The following PCGF5 variants were observed in gnomAD, a reference collection of about 807,000 sequenced individuals.
PCGF5 encodes the protein polycomb group RING finger protein 5.
A neutral mutation model predicts 44.3 loss-of-function variants in PCGF5; 9 were observed. The ratio of observed to expected loss-of-function variants is 0.20; its 90% CI spans 0.12 to 0.35. PCGF5 has a LOEUF of 0.35. Ranked by LOEUF, PCGF5 falls within the 10% of genes least tolerant of loss-of-function variation. The pLI, the probability that PCGF5 is intolerant of heterozygous loss-of-function variation, is 1.00. For missense variants in PCGF5, 146 were observed against 305.3 expected (o/e 0.48, Z 3.89); for synonymous variants, 95 against 102.5 (o/e 0.93, Z 0.44).
chr10:91,207,947 G>T (rs1407536839), intron 1 of PCGF5, among the ~76,000 whole-genome samples: 1 of 152,128 alleles, frequency 6.6e-6, no homozygotes, highest in African/African-American at 2.4e-5. Flanking sequence ...GCATCCAATG[G>T]ATTGCTCCAT....
intron 1 of PCGF5, among the ~76,000 whole-genome samples, chr10:91,170,232 T>C (rs1160159266): frequency 6.6e-6 from 1 of 152,188 alleles, no homozygotes; most frequent in Admixed American, 6.5e-5. Context: ...TTTTTAGATA[T>C]GACATCATAG....
At chr10:91,263,029 G>A (rs1845960393) in intron 7 of PCGF5, among the ~76,000 whole-genome samples, 1 of 152,180 alleles carries the variant, frequency 6.6e-6, no homozygotes, top group Non-Finnish European at 1.5e-5. Context: ...AAAGATGGAA[G>A]GGGGAGAGAT....
At chr10:91,232,136 C>G (rs192486346) in intron 2 of PCGF5, among the ~76,000 whole-genome samples, 32 of 152,148 alleles carry the variant, frequency 2.1e-4, no homozygotes, top group African/African-American at 7.7e-4. Context: ...AAAGTAAACA[C>G]ATAGTGTTGA....
At chr10:91,179,447 G>T (rs1003392246) in intron 1 of PCGF5, among the ~76,000 whole-genome samples, 1 of 152,114 alleles carries the variant, frequency 6.6e-6, no homozygotes, top group Non-Finnish European at 1.5e-5. Flanking sequence ...TCACCATCCA[G>T]GAATTAAGCC....
chr10:91,240,444 C>A, intron 2 of PCGF5, 40 bp from the exon 3 acceptor site: 1 of 1,322,094 alleles, frequency 7.6e-7, no homozygotes, highest in Non-Finnish European at 1.1e-6. Context: ...AATGAGCGTT[C>A]ATATGATGCG....
At chr10:91,157,233 G>A in the PCGF5 span, among the ~76,000 whole-genome samples, 217 of 152,192 alleles carry the variant, frequency 1.4e-3, no homozygotes, top group African/African-American at 5.1e-3. Flanking sequence ...CTTTGAGTTA[G>A]GCACATATAC....
At position 91,168,175 on chromosome 10, in the gene PCGF5, A is replaced by T. The variant is rs150843779; in HGVS notation, c.-184+5094A>T. 4.3e-3 allele frequency among the ~76,000 whole-genome samples: 650 copies of T among 152,280 alleles called. 3 individuals are homozygous for T. The highest frequency in any genetic ancestry group is 0.015 in the African/African-American group (618 of 41,546). ...ATTTGGGGCATCCTTATGGAGGGGG[A>T]TGGTGAACCTGTCAGAAAGTTCAGA... On this transcript the variant is annotated intron_variant, in intron 1 of 9. Transcript: ENST00000614189.
intron 9 of PCGF5, among the ~76,000 whole-genome samples, chr10:91,275,390 G>A (rs1409181589): frequency 6.6e-6 from 1 of 151,668 alleles, no homozygotes; most frequent in East Asian, 1.9e-4. Flanking sequence ...TGAGGCTATA[G>A]AGGAATGGGC....
intron 1 of PCGF5, among the ~76,000 whole-genome samples, chr10:91,205,812 A>G (rs1444308690): frequency 6.6e-6 from 1 of 152,154 alleles, no homozygotes; most frequent in Non-Finnish European, 1.5e-5. Flanking sequence ...CAACATGGCA[A>G]AACCCTATCT....
intron 5 of PCGF5, among the ~76,000 whole-genome samples, chr10:91,248,960 G>A (rs1354180998): frequency 1.3e-5 from 2 of 152,226 alleles, no homozygotes; most frequent in South Asian, 4.1e-4. Context: ...TTTGGGAAGA[G>A]AAAAGGGAGA....
chr10:91,273,708 G>A (rs1260245280), intron 9 of PCGF5, among the ~76,000 whole-genome samples: 1 of 151,850 alleles, frequency 6.6e-6, no homozygotes, highest in Non-Finnish European at 1.5e-5. Context: ...ATTCTTAATA[G>A]CAAAAACTGA....
At chr10:91,223,698 AGTAAGTTATAG>A (rs1844741360) in intron 2 of PCGF5, among the ~76,000 whole-genome samples, 2 of 152,192 alleles carry the variant, frequency 1.3e-5, no homozygotes, top group African/African-American at 4.8e-5. Flanking sequence ...AAGTAATTCC[AGTAAGTTATAG>A]TTTAATGCCT....
chr10:91,257,506 A>G (rs961208091), intron 6 of PCGF5, among the ~76,000 whole-genome samples: 1 of 152,004 alleles, frequency 6.6e-6, no homozygotes, highest in Non-Finnish European at 1.5e-5. Flanking sequence ...GGATGTTGCA[A>G]CCACAGATAG....
intron 1 of PCGF5, among the ~76,000 whole-genome samples, chr10:91,165,814 C>G (rs960484108): frequency 6.6e-5 from 10 of 151,738 alleles, no homozygotes; most frequent in Admixed American, 3.3e-4. Context: ...TAATAATATC[C>G]CTTTAGAGGA....
intron 1 of PCGF5, among the ~76,000 whole-genome samples, chr10:91,186,695 C>T (rs1422743411): frequency 1.3e-5 from 2 of 152,072 alleles, no homozygotes; most frequent in African/African-American, 4.8e-5. Context: ...TCCCGGGCCT[C>T]CCTAGATTCA....
intron 1 of PCGF5, among the ~76,000 whole-genome samples, chr10:91,173,973 G>A (rs528061668): frequency 2.6e-5 from 4 of 151,950 alleles, no homozygotes; most frequent in South Asian, 4.2e-4. Context: ...TGATGATTTT[G>A]GGCAGCAAAG....
rs964772226 is a variant in PCGF5 at position 91,283,331 on chromosome 10, C to T, written c.*5015C>T. ...AAATGTGTCTGTATACTTGCTATGC[C>T]CCTTTTTCTATAATTCCAAACTGAG... is the stretch of plus-strand genomic sequence containing the variant. On this transcript the variant is annotated 3_prime_UTR_variant, in exon 10 of 10. Coordinates refer to ENST00000336126, the MANE Select transcript of PCGF5 (RefSeq NM_032373.5). 6.6e-6 allele frequency: 1 copy of T among 151,974 alleles called. No homozygotes were observed. Among genetic ancestry groups the T allele is most frequent in the Non-Finnish European group, 1.5e-5 (1 of 68,002 alleles). 9.4% of individuals were successfully genotyped at this position (151,974 alleles called of 1,614,324 possible).
chr10:91,194,436 G>C (rs1243442266), intron 1 of PCGF5, among the ~76,000 whole-genome samples: 2 of 152,178 alleles, frequency 1.3e-5, no homozygotes, highest in African/African-American at 4.8e-5. Context: ...AATGTGGGTG[G>C]CTGCTAGAAG....
intron 2 of PCGF5, among the ~76,000 whole-genome samples, chr10:91,229,521 C>T (rs916684198): frequency 6.6e-6 from 1 of 152,040 alleles, no homozygotes; most frequent in Non-Finnish European, 1.5e-5. Flanking sequence ...GTTCTGAATC[C>T]TGGATATGTG....
Sources: allele counts gnomAD v4.1 joint callset (sites outside exome capture counted in the v4.1 genomes callset), GRCh38; gene constraint gnomAD v4.1.1; transcripts MANE v1.5; gene names NCBI Gene and HGNC (gene_info 2026-07-23, HGNC 2026-07-21).